Variants in NECAB2 observed in about 807,000 individuals in gnomAD.
NECAB2 encodes N-terminal EF-hand calcium-binding protein 2.
In NECAB2, 68 loss-of-function variants were observed where a neutral mutation model predicts 51.9. The observed-to-expected ratio is 1.31, with a 90% CI of 1.08 to 1.60. The LOEUF (loss-of-function observed/expected upper bound fraction) is 1.60, where lower values mean the gene tolerates loss of function less well. Ranked by LOEUF, NECAB2 falls within the 40% of genes most tolerant of loss-of-function variation. NECAB2 has a pLI of 0.00. For synonymous variants in NECAB2, 329 were observed against 203.5 expected (o/e 1.62, Z -5.25); for missense variants, 854 against 490.3 (o/e 1.74, Z -7.00).
At chr16:83,982,192 T>G (rs2084497275) in intron 5 of NECAB2, among the ~76,000 whole-genome samples, 1 of 152,144 alleles carries the variant, frequency 6.6e-6, no homozygotes, top group African/African-American at 2.4e-5. Context: ...TTCTGTGCAA[T>G]TTTCCCATGC....
In NECAB2 at chr16:83,997,395, C is replaced by G. The variant is rs74032358; in HGVS notation, c.849+126C>G. 17 of 1,220,696 alleles carry G rather than the reference C, an allele frequency of 1.4e-5. No homozygotes were observed. In the South Asian group the frequency reaches 1.6e-4, roughly 12 times the overall value. 75.6% of individuals were successfully genotyped at this position (1,220,696 alleles called of 1,614,324 possible). On this transcript the variant is annotated intron_variant, in intron 9 of 12. Coordinates refer to ENST00000305202, the MANE Select transcript of NECAB2 (RefSeq NM_019065.3). ...TTGGGACCACCAGGAGGGGAGATGT[C>G]GCCCAGCGCTTGGCACCCAGACCCT...
chr16:83,968,220 C>A (rs1288316878), upstream of NECAB2, among the ~76,000 whole-genome samples: 1 of 151,370 alleles, frequency 6.6e-6, no homozygotes, highest in Non-Finnish European at 1.5e-5. Flanking sequence ...GCGCTCCGGG[C>A]TCGCTGGACA....
chr16:83,999,662 G>A (rs1437633350), intron 10 of NECAB2, among the ~76,000 whole-genome samples: 2 of 152,232 alleles, frequency 1.3e-5, no homozygotes, highest in East Asian at 3.9e-4. Context: ...GGGCGGCATA[G>A]ACTATCAGCA....
intron 10 of NECAB2, among the ~76,000 whole-genome samples, chr16:84,000,029 G>A (rs1267828352): frequency 6.6e-6 from 1 of 151,650 alleles, no homozygotes; most frequent in Non-Finnish European, 1.5e-5. Flanking sequence ...TGGGATTACA[G>A]GGATGTGCCA....
chr16:83,980,898 G>C, intron 4 of NECAB2, 34 bp downstream of exon 4: 3 of 1,613,656 alleles, frequency 1.9e-6, no homozygotes, highest in Non-Finnish European at 2.5e-6. Flanking sequence ...CCAAGATGGG[G>C]ATGCTGGGAT....
intron 11 of NECAB2, among the ~76,000 whole-genome samples, chr16:84,001,442 G>C (rs541147650): frequency 1.3e-5 from 2 of 152,256 alleles, no homozygotes; most frequent in African/African-American, 4.8e-5. Context: ...AGAAGTGAGA[G>C]TGTCCCCTCC....
chr16:83,998,840 C>T (rs78557364), intron 10 of NECAB2, among the ~76,000 whole-genome samples: 5,356 of 152,298 alleles, frequency 0.035, 315 homozygotes, highest in African/African-American at 0.12. Context: ...GCGGGGCAAG[C>T]GGCCTTACCT....
At chr16:83,998,123 G>C (rs1263805042) in intron 9 of NECAB2, 82 bp from the exon 10 acceptor site, 10 of 1,214,214 alleles carry the variant, frequency 8.2e-6, no homozygotes, top group South Asian at 2.6e-5. Context: ...GACCGAGGAA[G>C]GGAGGTCATG....
At chr16:83,988,032 G>C (rs564670610) in intron 5 of NECAB2, among the ~76,000 whole-genome samples, 1 of 152,196 alleles carries the variant, frequency 6.6e-6, no homozygotes, top group Non-Finnish European at 1.5e-5. Flanking sequence ...ACTTGATAGT[G>C]ATATTGTACC....
At chr16:83,968,173 C>T (rs1245763524), upstream of NECAB2, among the ~76,000 whole-genome samples, 2 of 150,868 alleles carry the variant, frequency 1.3e-5, no homozygotes, top group African/African-American at 4.9e-5. Flanking sequence ...GGCCGCGGGG[C>T]GTGGGCGCCG....
intron 3 of NECAB2, among the ~76,000 whole-genome samples, chr16:83,979,787 G>A (rs1031358684): frequency 6.6e-6 from 1 of 152,046 alleles, no homozygotes; most frequent in African/African-American, 2.4e-5. Flanking sequence ...GGTTATGGAA[G>A]GTCAAAGCTC....
In NECAB2 at chr16:84,002,314, T is replaced by G; in HGVS notation, c.1133-4T>G. On this transcript the variant is annotated splice_region_variant and splice_polypyrimidine_tract_variant and intron_variant, in intron 12 of 12. Coordinates refer to ENST00000305202, the MANE Select transcript of NECAB2 (RefSeq NM_019065.3). The stretch of plus-strand genomic sequence containing the variant: ...TTCCCTCTAACGTGTCTCTCTCCTT[T>G]TAGCTGCTTGGTGCACGGTGGGACG... 6.2e-7 allele frequency: 1 copy of G among 1,613,552 alleles called. No homozygotes were observed. The highest frequency in any genetic ancestry group is 8.5e-7 in the Non-Finnish European group (1 of 1,179,774).
At chr16:84,000,311 C>T (rs184538631) in intron 10 of NECAB2, among the ~76,000 whole-genome samples, 89 of 150,540 alleles carry the variant, frequency 5.9e-4, no homozygotes, top group African/African-American at 2.2e-3. Flanking sequence ...GAGAAGACAG[C>T]CTGAGCCCAG....
rs533258213 is a variant in NECAB2 at position 84,002,407 on chromosome 16, G to C, written c.*61G>C. 3.7e-6 allele frequency: 5 copies of C among 1,361,784 alleles called. No homozygotes were observed. Among genetic ancestry groups the C allele is most frequent in the South Asian group, 2.5e-5 (2 of 78,454 alleles). The allele number at this position is 1,361,784 out of a possible 1,614,324, so 84.4% of individuals were successfully genotyped here. On this transcript the variant is annotated 3_prime_UTR_variant, in exon 13 of 13. Transcript: ENST00000305202. The stretch of plus-strand genomic sequence containing the variant: ...CCCTTCTTCTTGTGAAGGAAATCCC[G>C]TTTTTTTCTAGACAGACACTTTGGT...
At chr16:83,977,369 G>C (rs970525027) in intron 2 of NECAB2, among the ~76,000 whole-genome samples, 15 of 152,164 alleles carry the variant, frequency 9.9e-5, no homozygotes, top group Non-Finnish European at 1.8e-4. Context: ...GGTCTGTTCA[G>C]GTGGAAGGAG....
intron 2 of NECAB2, among the ~76,000 whole-genome samples, chr16:83,974,324 A>G (rs2084381403): frequency 6.6e-6 from 1 of 152,158 alleles, no homozygotes; most frequent in African/African-American, 2.4e-5. Context: ...GTAAATGGGA[A>G]TAATTACAGC....
chr16:83,994,355 C>T lies in NECAB2; in HGVS notation c.650C>T (p.Pro217Leu). ...HSAAQTWCGS[P>L]TPASAPNHKL... ...GCGGCACAGACCTGGTGTGGAAGCCCCACTCCCGCCTCTGCCCCCAACCAC... is the reference window on the plus strand; with the variant it reads ...GCGGCACAGACCTGGTGTGGAAGCCTCACTCCCGCCTCTGCCCCCAACCAC... The change falls in exon 7 of 13, where the codon CCC becomes CTC. Residue 217 changes from proline to leucine, a missense_variant. Transcript: ENST00000305202. 6.2e-7 allele frequency: 1 copy of T among 1,614,140 alleles called. No homozygotes were observed. Among genetic ancestry groups the T allele is most frequent in the Non-Finnish European group, 8.5e-7 (1 of 1,180,032 alleles).
intron 10 of NECAB2, 103 bp downstream of exon 10, chr16:83,998,420 C>A: frequency 9.4e-7 from 1 of 1,062,516 alleles, no homozygotes; most frequent in Non-Finnish European, 1.4e-6. Flanking sequence ...GTACAAGTTG[C>A]ACCCCAGGGA....
At chr16:83,989,648 A>G (rs1288469262) in intron 5 of NECAB2, among the ~76,000 whole-genome samples, 2 of 152,078 alleles carry the variant, frequency 1.3e-5, no homozygotes, top group African/African-American at 2.4e-5. Flanking sequence ...CATTTTCATC[A>G]TCCCGTCCTT....
Sources: gnomAD v4.1 joint callset for allele counts (sites outside exome capture counted in the v4.1 genomes callset) on GRCh38, gnomAD v4.1.1 for gene constraint, MANE v1.5 for transcripts, NCBI Gene and HGNC (gene_info 2026-07-23, HGNC 2026-07-21) for gene names.